The following NOL4L variants were observed in gnomAD, a reference collection of about 807,000 sequenced individuals.
The protein encoded by NOL4L is nucleolar protein 4 like.
In NOL4L, 7 loss-of-function variants were observed where a neutral mutation model predicts 64.5. That is an observed-to-expected ratio of 0.11 (90% CI 0.06 to 0.20). The LOEUF (loss-of-function observed/expected upper bound fraction) is 0.20, where lower values mean the gene tolerates loss of function less well. NOL4L is among the 10% of genes least tolerant of loss of function. The pLI, the probability that NOL4L is intolerant of heterozygous loss-of-function variation, is 1.00. For synonymous variants in NOL4L, 413 were observed against 401.0 expected, an observed-to-expected ratio of 1.03 and a Z score of -0.36; for missense variants, 680 against 967.1, an observed-to-expected ratio of 0.70 and a Z score of 3.94.
chr20:32,584,004 T>C (rs914260575), intron 1 of NOL4L, among the ~76,000 whole-genome samples: 3 of 130,926 alleles, frequency 2.3e-5, no homozygotes, highest in African/African-American at 8.8e-5. Flanking sequence ...CAGCCCCGGG[T>C]GGGGTCGGGG....
intron 5 of NOL4L, among the ~76,000 whole-genome samples, chr20:32,473,297 G>C (rs1216500186): frequency 5.3e-5 from 8 of 152,176 alleles, no homozygotes; most frequent in Non-Finnish European, 1.0e-4. Context: ...AATCGGCTCA[G>C]TTGAGGCGGG....
chr20:32,551,345 C>T (rs2145605109), intron 1 of NOL4L, among the ~76,000 whole-genome samples: 1 of 151,978 alleles, frequency 6.6e-6, no homozygotes, highest in South Asian at 2.1e-4. Flanking sequence ...CACTGCACTC[C>T]AGCCTGGACG....
intron 4 of NOL4L, among the ~76,000 whole-genome samples, chr20:32,500,265 G>C (rs1386305721): frequency 6.6e-6 from 1 of 151,856 alleles, no homozygotes; most frequent in Non-Finnish European, 1.5e-5. Flanking sequence ...GCCCAGGCTG[G>C]TCTTGAACTC....
Position 32,580,902 on chromosome 20 carries a change from C to T in NOL4L, c.321+3668G>A, listed in dbSNP as rs913115815. 7.9e-5 allele frequency among the ~76,000 whole-genome samples: 12 copies of T among 152,280 alleles called. No individual in the cohort carries two copies. In the East Asian group the frequency reaches 9.7e-4, roughly 12 times the overall value. On this transcript the variant is annotated intron_variant, in intron 1 of 10. Coordinates refer to ENST00000621426, the MANE Select transcript of NOL4L (RefSeq NM_001256798.2). ...CGCAGGCTCTGGGGACGGCTCCACG[C>T]GCTCCACTCAGAGAGGCCAGAGGAA...
intron 1 of NOL4L, among the ~76,000 whole-genome samples, chr20:32,584,270 G>C (rs1481438561): frequency 6.6e-6 from 1 of 151,146 alleles, no homozygotes; most frequent in Non-Finnish European, 1.5e-5. Context: ...GCCTGCTGGC[G>C]GGGGGAGGGG....
chr20:32,515,746 C>A (rs1291318001), intron 3 of NOL4L, among the ~76,000 whole-genome samples: 1 of 152,180 alleles, frequency 6.6e-6, no homozygotes, highest in Non-Finnish European at 1.5e-5. Context: ...TACAAATGAC[C>A]TGATAGTGCG....
rs745438473 is a variant in NOL4L, at chr20:32,466,938, T to G, written c.841+7663A>C. 1.6e-4 allele frequency among the ~76,000 whole-genome samples: 24 copies of G among 152,030 alleles called. 2 individuals carry two copies. The Middle Eastern group carries it at 0.031, about 194-fold the overall frequency. On this transcript the variant is annotated intron_variant, in intron 5 of 10. Transcript: ENST00000621426. ...CAGGCCGGAGTTCTGTGCCTCCTGGTGGGAGAGGGCTGCTGTGACCCAGGG... is the reference window on the plus strand; with the variant it reads ...CAGGCCGGAGTTCTGTGCCTCCTGGGGGGAGAGGGCTGCTGTGACCCAGGG...
intron 1 of NOL4L, among the ~76,000 whole-genome samples, chr20:32,529,350 T>C (rs926136453): frequency 1.3e-5 from 2 of 152,328 alleles, no homozygotes; most frequent in East Asian, 1.9e-4. Context: ...GTTCACCATG[T>C]TTCCCCCAGG....
intron 4 of NOL4L, chr20:32,474,980 CAAT>C: frequency 2.1e-5 from 21 of 985,370 alleles, no homozygotes; most frequent in Non-Finnish European, 2.5e-5. Context: ...TAATTGAAGA[CAAT>C]TATGAGGTCT....
At chr20:32,505,508 T>C (rs2017103229) in intron 4 of NOL4L, among the ~76,000 whole-genome samples, 1 of 152,128 alleles carries the variant, frequency 6.6e-6, no homozygotes, top group Non-Finnish European at 1.5e-5. Context: ...GCAGATCGCT[T>C]GAGTTCCAGA....
chr20:32,584,119 CA>C (rs1337068798), intron 1 of NOL4L, among the ~76,000 whole-genome samples: 5 of 134,646 alleles, frequency 3.7e-5, no homozygotes, highest in Non-Finnish European at 7.9e-5. Context: ...CCCGCGGCAC[CA>C]CCCTCCGCGC....
At chr20:32,532,837 AAC>A (rs1027617828) in intron 1 of NOL4L, among the ~76,000 whole-genome samples, 2 of 152,142 alleles carry the variant, frequency 1.3e-5, no homozygotes, top group African/African-American at 2.4e-5. Flanking sequence ...AACCACGAAA[AAC>A]ACACAGTCAC....
At position 32,447,405 on chromosome 20, in the gene NOL4L, A is replaced by C; in HGVS notation, c.*191T>G. On this transcript the variant is annotated 3_prime_UTR_variant, in exon 11 of 11. Transcript: ENST00000621426. ...AGAGCACCCGTGTGGTGAGATTCCA[A>C]AAAAAAAAAAAAAAAAAAAAAAAAG... 1 of 409,542 alleles carries C rather than the reference A, an allele frequency of 2.4e-6. No homozygotes were observed. The allele number at this position is 409,542 out of a possible 1,614,324, so 25.4% of individuals were successfully genotyped here. A position where few individuals can be genotyped will look rare whatever the true frequency, so the allele number is the denominator to read the frequency against.
intron 1 of NOL4L, among the ~76,000 whole-genome samples, chr20:32,533,964 CT>C (rs976359766): frequency 4.6e-5 from 7 of 152,220 alleles, no homozygotes; most frequent in African/African-American, 1.4e-4. Flanking sequence ...ACCCCTGCCC[CT>C]GATGGTGAAG....
chr20:32,550,442 T>A (rs547371605), intron 1 of NOL4L, among the ~76,000 whole-genome samples: 13 of 152,278 alleles, frequency 8.5e-5, no homozygotes, highest in African/African-American at 3.1e-4. Flanking sequence ...AAAGGTACAG[T>A]AAACAATAAT....
chr20:32,553,510 G>C (rs529077206), intron 1 of NOL4L, among the ~76,000 whole-genome samples: 14 of 152,280 alleles, frequency 9.2e-5, no homozygotes, highest in African/African-American at 2.6e-4. Flanking sequence ...GGGAACAGGA[G>C]GCCTCCCCAC....
chr20:32,500,965 G>A (rs1475676335), intron 4 of NOL4L, among the ~76,000 whole-genome samples: 1 of 152,192 alleles, frequency 6.6e-6, no homozygotes, highest in Non-Finnish European at 1.5e-5. Context: ...AATCTCCTAT[G>A]CATAAGCAAT....
At chr20:32,543,289 G>A (rs1465405039) in intron 1 of NOL4L, among the ~76,000 whole-genome samples, 1 of 152,124 alleles carries the variant, frequency 6.6e-6, no homozygotes, top group East Asian at 1.9e-4. Context: ...ACCCAGCCTG[G>A]CCAACATGGT....
intron 1 of NOL4L, among the ~76,000 whole-genome samples, chr20:32,528,796 A>G (rs2018239309): frequency 1.3e-5 from 2 of 152,238 alleles, no homozygotes; most frequent in Admixed American, 1.3e-4. Context: ...ACACAGACCC[A>G]GAGACACTAG....
Sources: gnomAD v4.1 joint callset for allele counts (sites outside exome capture counted in the v4.1 genomes callset) on GRCh38, gnomAD v4.1.1 for gene constraint, MANE v1.5 for transcripts, NCBI Gene and HGNC (gene_info 2026-07-23, HGNC 2026-07-21) for gene names.